VN1R2: variants seen among roughly 807,000 people sequenced by gnomAD.
The protein encoded by VN1R2 is vomeronasal 1 receptor 2.
For synonymous variants in VN1R2, 160 were observed against 173.1 expected, an observed-to-expected ratio of 0.92 and a Z score of 0.59; for missense variants, 418 against 452.4, an observed-to-expected ratio of 0.92 and a Z score of 0.69.
At position 53,259,082 on chromosome 19, in the gene VN1R2, GCAA is replaced by G. The variant is rs1246462503; in HGVS notation, c.716_718del (p.Asn239del). 21 of 1,614,050 alleles carry G rather than the reference GCAA, an allele frequency of 1.3e-5. No homozygotes were observed. Among genetic ancestry groups the G allele is most frequent in the Non-Finnish European group, 1.7e-5 (20 of 1,180,050 alleles). On this transcript the variant is annotated inframe_deletion, in exon 1 of 1. Coordinates refer to ENST00000341702, the MANE Select transcript of VN1R2 (RefSeq NM_173856.2). ...CCTATTTATACAACTGGCAAATGGA[GCAA>G]CAACAACATCACAAAGAAAGGAGAT...
chr19:53,259,586 C>A lies in VN1R2; in HGVS notation c.*23C>A. On this transcript the variant is annotated 3_prime_UTR_variant, in exon 1 of 1. Transcript: ENST00000341702. ...TGAATTGGCTGTCTTGGTTTATGTT[C>A]GGCCACTGATGCACTCAGACCTCAA... 6.3e-7 allele frequency: 1 copy of A among 1,591,012 alleles called. No homozygotes were observed. The highest frequency in any genetic ancestry group is 1.2e-5 in the South Asian group (1 of 85,930).
rs143327735 is a variant in VN1R2, at chr19:53,259,326, C to A, written c.951C>A (p.Ile317=). 1.2e-6 allele frequency: 2 copies of A among 1,614,082 alleles called. No homozygotes were observed. The highest frequency in any genetic ancestry group is 2.7e-5 in the African/African-American group (2 of 74,918). ...SSPGNRAIQS[I]LALVSTFALC... is the part of the protein sequence containing the mutation. ...CTGGGAACAGAGCCATCCAAAGCAT[C>A]CTTGCATTGGTGAGCACCTTTGCAT... is the stretch of plus-strand genomic sequence containing the variant. The change falls in exon 1 of 1, where the codon ATC becomes ATA. Residue 317 remains isoleucine, a synonymous_variant. Coordinates refer to ENST00000341702, the MANE Select transcript of VN1R2 (RefSeq NM_173856.2).
In VN1R2 at chr19:53,258,370, T is replaced by C. The variant is rs911081178; in HGVS notation, c.-6T>C. The C allele has an allele frequency of 2.3e-5, 16 of 682,666 alleles. No individual in the cohort carries two copies. The highest frequency in any genetic ancestry group is 4.0e-5 in the Non-Finnish European group (15 of 370,474). The allele number at this position is 682,666 out of a possible 1,614,324, so 42.3% of individuals were successfully genotyped here. ...GTGACCCACGTGACCTTACCTATCATTGGAGATGACTCACACTCTTTACCC... is the reference window on the plus strand; with the variant it reads ...GTGACCCACGTGACCTTACCTATCACTGGAGATGACTCACACTCTTTACCC... On this transcript the variant is annotated 5_prime_UTR_variant, in exon 1 of 1. Transcript: ENST00000341702.
In VN1R2 at chr19:53,259,292, A is replaced by G; in HGVS notation, c.917A>G (p.Asn306Ser). Residue 306 changes from asparagine (N) to serine (S), a missense_variant, in exon 1 of 1, where the codon AAC becomes AGC. Asn to Ser is a conservative substitution (Grantham distance 46). Coordinates refer to ENST00000341702, the MANE Select transcript of VN1R2 (RefSeq NM_173856.2). Reference protein sequence around the residue: ...QHICRNNLYPNSSPGNRAIQS... With the variant: ...QHICRNNLYPSSSPGNRAIQS... ...ATCTGTAGGAACAATCTCTACCCCA[A>G]CTCTTCTCCTGGGAACAGAGCCATC... 1.2e-6 allele frequency: 2 copies of G among 1,613,706 alleles called. No homozygotes were observed. Among genetic ancestry groups the G allele is most frequent in the South Asian group, 1.1e-5 (1 of 91,048 alleles).
chr19:53,258,316 C>A lies in VN1R2; in HGVS notation c.-60C>A. Reference sequence around the variant, plus strand: ...CTCTCTCTCTGCCTTGGCTGCCAGGCAGGGAAGGGCCCCCTGTCCAGTGGA... The same window carrying A: ...CTCTCTCTCTGCCTTGGCTGCCAGGAAGGGAAGGGCCCCCTGTCCAGTGGA... On this transcript the variant is annotated 5_prime_UTR_variant, in exon 1 of 1. Coordinates refer to ENST00000341702, the MANE Select transcript of VN1R2 (RefSeq NM_173856.2). The A allele has an allele frequency of 1.6e-6, 1 of 611,296 alleles. No individual in the cohort carries two copies. Among genetic ancestry groups the A allele is most frequent in the Non-Finnish European group, 3.0e-6 (1 of 338,674 alleles). 37.9% of individuals were successfully genotyped at this position (611,296 alleles called of 1,614,324 possible). A position where few individuals can be genotyped will look rare whatever the true frequency, so the allele number is the denominator to read the frequency against.
Position 53,258,926 on chromosome 19 carries a change from G to C in VN1R2, c.551G>C (p.Ser184Thr), listed in dbSNP as rs768122096. 6.2e-7 allele frequency: 1 copy of C among 1,614,172 alleles called. No homozygotes were observed. Among genetic ancestry groups the C allele is most frequent in the Non-Finnish European group, 8.5e-7 (1 of 1,180,034 alleles). ...GVSIGSTCLLSVFQVITINPR... is the reference protein window; with the variant it reads ...GVSIGSTCLLTVFQVITINPR... ...TCCATTGGAAGCACCTGCCTCTTGA[G>C]TGTCTTCCAGGTGATCACCATCAAC... Residue 184 changes from serine to threonine, a missense_variant, in exon 1 of 1, where the codon AGT becomes ACT. Physicochemically the swap from Ser to Thr is moderately conservative, Grantham distance 58. Coordinates refer to ENST00000341702, the MANE Select transcript of VN1R2 (RefSeq NM_173856.2).
chr19:53,258,814 A>C lies in VN1R2; in HGVS notation c.439A>C (p.Thr147Pro), dbSNP rs2091323744. The C allele has an allele frequency of 6.2e-7, 1 of 1,614,064 alleles. No homozygotes were observed. Among genetic ancestry groups the C allele is most frequent in the Non-Finnish European group, 8.5e-7 (1 of 1,180,036 alleles). The change falls in exon 1 of 1, where the codon ACC becomes CCC. Residue 147 changes from threonine to proline, a missense_variant. By Grantham distance (38) the Thr-to-Pro change is conservative. Coordinates refer to ENST00000341702, the MANE Select transcript of VN1R2 (RefSeq NM_173856.2). ...LVILSKRIPE[T>P]MATFGLKHFD... is the part of the protein sequence containing the mutation. ...TATCCTATCTAAAAGAATCCCAGAG[A>C]CCATGGCAACTTTTGGGTTGAAACA...
chr19:53,259,425 C>A lies in VN1R2; in HGVS notation c.1050C>A (p.Asn350Lys). Residue 350 changes from asparagine to lysine, a missense_variant, in exon 1 of 1, where the codon AAC (asparagine) becomes AAA (lysine). Asn to Lys is a moderately conservative substitution (Grantham distance 94, BLOSUM62 0). Coordinates refer to ENST00000341702, the MANE Select transcript of VN1R2 (RefSeq NM_173856.2). Reference sequence around the variant, plus strand: ...ATAATTCCAGTTGGTGGCTAGTGAACACTGCTGCACTAATCATTGCCTGTT... The same window carrying A: ...ATAATTCCAGTTGGTGGCTAGTGAAAACTGCTGCACTAATCATTGCCTGTT... The part of the protein sequence containing the change: ...LFDNSSWWLV[N>K]TAALIIACFP... 6.2e-7 allele frequency: 1 copy of A among 1,614,210 alleles called. No individual in the cohort carries two copies. Among genetic ancestry groups the A allele is most frequent in the South Asian group, 1.1e-5 (1 of 91,086 alleles).
Position 53,259,340 on chromosome 19 carries a change from G to A in VN1R2, c.965G>A (p.Ser322Asn). Reference protein sequence around the residue: ...RAIQSILALVSTFALCYALSF... With the variant: ...RAIQSILALVNTFALCYALSF... ...ATCCAAAGCATCCTTGCATTGGTGA[G>A]CACCTTTGCATTATGTTACGCCCTT... The change falls in exon 1 of 1, where the codon AGC (serine) becomes AAC (asparagine). Residue 322 changes from serine to asparagine, a missense_variant. By Grantham distance (46) the Ser-to-Asn change is conservative. Coordinates refer to ENST00000341702, the MANE Select transcript of VN1R2 (RefSeq NM_173856.2). 1 of 1,614,162 alleles carries A rather than the reference G, an allele frequency of 6.2e-7. No homozygotes were observed. The highest frequency in any genetic ancestry group is 8.5e-7 in the Non-Finnish European group (1 of 1,180,040).
Position 53,258,952 on chromosome 19 carries a change from C to G in VN1R2, c.577C>G (p.Pro193Ala). 1 of 1,614,108 alleles carries G rather than the reference C, an allele frequency of 6.2e-7. No individual in the cohort carries two copies. Among genetic ancestry groups the G allele is most frequent in the East Asian group, 2.2e-5 (1 of 44,882 alleles). ...LSVFQVITINPRNSRWAEMKV... is the reference protein window; with the variant it reads ...LSVFQVITINARNSRWAEMKV... The stretch of plus-strand genomic sequence containing the variant: ...TGTCTTCCAGGTGATCACCATCAAC[C>G]CTAGGAACTCCAGGTGGGCAGAGAT... The change falls in exon 1 of 1, where the codon CCT (proline) becomes GCT (alanine). Residue 193 changes from proline to alanine, a missense_variant. By Grantham distance (27) the Pro-to-Ala change is conservative (BLOSUM62 -1). Transcript: ENST00000341702.
Position 53,258,327 on chromosome 19 carries a change from C to T in VN1R2, c.-49C>T. The T allele has an allele frequency of 3.2e-6, 2 of 626,448 alleles. No individual in the cohort carries two copies. The highest frequency in any genetic ancestry group is 2.9e-6 in the Non-Finnish European group (1 of 345,308). The allele number at this position is 626,448 out of a possible 1,614,324, so 38.8% of individuals were successfully genotyped here. ...CCTTGGCTGCCAGGCAGGGAAGGGCCCCCTGTCCAGTGGACACGTGACCCA... is the reference window on the plus strand; with the variant it reads ...CCTTGGCTGCCAGGCAGGGAAGGGCTCCCTGTCCAGTGGACACGTGACCCA... On this transcript the variant is annotated 5_prime_UTR_variant, in exon 1 of 1. Coordinates refer to ENST00000341702, the MANE Select transcript of VN1R2 (RefSeq NM_173856.2).
At position 53,259,236 on chromosome 19, in the gene VN1R2, C is replaced by T. The variant is rs1219602697; in HGVS notation, c.861C>T (p.Val287=). Residue 287 remains valine (V), a synonymous_variant, in exon 1 of 1, where the codon GTC becomes GTT. Coordinates refer to ENST00000341702, the MANE Select transcript of VN1R2 (RefSeq NM_173856.2). ...MLWASSSIVL[V]LYRHKQQVQH... ...GGGCCAGCAGCTCCATCGTTTTGGT[C>T]TTGTACAGGCACAAACAGCAGGTAC... 6 of 1,614,042 alleles carry T rather than the reference C, an allele frequency of 3.7e-6. No individual in the cohort carries two copies. Among genetic ancestry groups the T allele is most frequent in the Middle Eastern group, 1.6e-4 (1 of 6,084 alleles).
In VN1R2 at chr19:53,259,093, A is replaced by G; in HGVS notation, c.718A>G (p.Ile240Val). ...AACTGGCAAATGGAGCAACAACAAC[A>G]TCACAAAGAAAGGAGATTTGGGATA... ...YTTGKWSNNN[I>V]TKKGDLGYCS... The change falls in exon 1 of 1, where the codon ATC (isoleucine) becomes GTC (valine). Residue 240 changes from isoleucine to valine, a missense_variant. Physicochemically the swap from Ile to Val is conservative, Grantham distance 29. Coordinates refer to ENST00000341702, the MANE Select transcript of VN1R2 (RefSeq NM_173856.2). 6.2e-7 allele frequency: 1 copy of G among 1,614,218 alleles called. No individual in the cohort carries two copies. The highest frequency in any genetic ancestry group is 8.5e-7 in the Non-Finnish European group (1 of 1,180,040).
chr19:53,258,412 T>A lies in VN1R2; in HGVS notation c.37T>A (p.Tyr13Asn), dbSNP rs567609635. 12 of 734,750 alleles carry A rather than the reference T, an allele frequency of 1.6e-5. No individual in the cohort carries two copies. The African/African-American group carries it at 1.7e-4, about 11-fold the overall frequency. 45.5% of individuals were successfully genotyped at this position (734,750 alleles called of 1,614,324 possible). ...HTLYPTPFAL[Y>N]PINISAAWHL... ...TCTTTACCCTACCCCTTTTGCTTTGTATCCAATAAATATCAGCGCAGCCTG... is the reference window on the plus strand; with the variant it reads ...TCTTTACCCTACCCCTTTTGCTTTGAATCCAATAAATATCAGCGCAGCCTG... The change falls in exon 1 of 1, where the codon TAT becomes AAT. Residue 13 changes from tyrosine (Y) to asparagine (N), a missense_variant. By Grantham distance (143) the Tyr-to-Asn change is moderately radical. Coordinates refer to ENST00000341702, the MANE Select transcript of VN1R2 (RefSeq NM_173856.2).
chr19:53,258,733 A>G lies in VN1R2; in HGVS notation c.358A>G (p.Lys120Glu), dbSNP rs766842822. ...TATGTTCCTTTACTTTAGGGGATACAAGCCAAGATCCACAGATTTGATTCT... is the reference window on the plus strand; with the variant it reads ...TATGTTCCTTTACTTTAGGGGATACGAGCCAAGATCCACAGATTTGATTCT... ...YYMFLYFRGYKPRSTDLILRH... is the reference protein window; with the variant it reads ...YYMFLYFRGYEPRSTDLILRH... The change falls in exon 1 of 1, where the codon AAG becomes GAG. Residue 120 changes from lysine (K) to glutamate (E), a missense_variant. Transcript: ENST00000341702. 1 of 1,613,940 alleles carries G rather than the reference A, an allele frequency of 6.2e-7. No homozygotes were observed. Among genetic ancestry groups the G allele is most frequent in the Non-Finnish European group, 8.5e-7 (1 of 1,179,976 alleles).
exon 1 of VN1R2, chr19:53,259,242 C>G: frequency 6.2e-7 from 1 of 1,614,192 alleles, no homozygotes; most frequent in Non-Finnish European, 8.5e-7. Context: ...TGGTCTTGTA[C>G]AGGCACAAAC....
At position 53,258,384 on chromosome 19, in the gene VN1R2, C is replaced by T; in HGVS notation, c.9C>T (p.His3=). The change falls in exon 1 of 1, where the codon CAC becomes CAT. Residue 3 remains histidine (H), a synonymous_variant. Coordinates refer to ENST00000341702, the MANE Select transcript of VN1R2 (RefSeq NM_173856.2). ...CTTACCTATCATTGGAGATGACTCA[C>T]ACTCTTTACCCTACCCCTTTTGCTT... MT[H]TLYPTPFALY... is the part of the protein sequence containing the mutation. The T allele has an allele frequency of 1.4e-6, 1 of 701,640 alleles. No homozygotes were observed. The highest frequency in any genetic ancestry group is 1.8e-5 in the African/African-American group (1 of 56,722). 43.5% of individuals were successfully genotyped at this position (701,640 alleles called of 1,614,324 possible). A position where few individuals can be genotyped will look rare whatever the true frequency, so the allele number is the denominator to read the frequency against.
Position 53,258,880 on chromosome 19 carries a change from C to T in VN1R2, c.505C>T (p.His169Tyr). 2 of 1,614,102 alleles carry T rather than the reference C, an allele frequency of 1.2e-6. No homozygotes were observed. Among genetic ancestry groups the T allele is most frequent in the Non-Finnish European group, 1.7e-6 (2 of 1,180,026 alleles). ...YFGCKFLLYA[H>Y]RVGRGVSIGS... ...TGGATGCAAATTTCTTTTGTATGCA[C>T]ACAGGGTAGGCAGGGGTGTGTCCAT... is the stretch of plus-strand genomic sequence containing the variant. Residue 169 changes from histidine (H) to tyrosine (Y), a missense_variant, in exon 1 of 1, where the codon CAC becomes TAC. Physicochemically the swap from His to Tyr is moderately conservative, Grantham distance 83 (BLOSUM62 2). Coordinates refer to ENST00000341702, the MANE Select transcript of VN1R2 (RefSeq NM_173856.2).
chr19:53,258,511 A>G lies in VN1R2; in HGVS notation c.136A>G (p.Thr46Ala), dbSNP rs200264390. 2.7e-4 allele frequency: 373 copies of G among 1,402,806 alleles called. 5 individuals carry two copies. In the Middle Eastern group the frequency reaches 7.7e-3, roughly 29 times the overall value. The allele number at this position is 1,402,806 out of a possible 1,614,324, so 86.9% of individuals were successfully genotyped here. A position where few individuals can be genotyped will look rare whatever the true frequency, so the allele number is the denominator to read the frequency against. The change falls in exon 1 of 1, where the codon ACC (threonine) becomes GCC (alanine). Residue 46 changes from threonine to alanine, a missense_variant. Transcript: ENST00000341702. ...YQCSLAFGATTGLRVLVVVVP... is the reference protein window; with the variant it reads ...YQCSLAFGATAGLRVLVVVVP... ...GTGCAGCCTGGCATTCGGGGCCACT[A>G]CCGGTCTCCGCGTCTTGGTGGTAGT...
Sources: allele counts gnomAD v4.1 joint callset, GRCh38; gene constraint gnomAD v4.1.1; transcripts MANE v1.5; gene names NCBI Gene and HGNC (gene_info 2026-07-23, HGNC 2026-07-21).